The following CCDC88B variants were observed in gnomAD, a reference collection of about 807,000 sequenced individuals.
The protein encoded by CCDC88B is coiled-coil and HOOK domain protein 88B.
CCDC88B carries 138 observed loss-of-function variants against 183.7 expected under a neutral mutation model. The observed-to-expected ratio is 0.75, with a 90% CI of 0.65 to 0.87. The LOEUF is 0.87. Among genes scored for constraint, CCDC88B ranks in the 40% least tolerant of loss-of-function variants. The pLI, the probability that CCDC88B is intolerant of heterozygous loss-of-function variation, is 0.00. For missense variants in CCDC88B, 1,822 were observed against 1,965.6 expected (o/e 0.93, Z 1.38); for synonymous variants, 835 against 867.5 (o/e 0.96, Z 0.66).
Position 64,344,181 on chromosome 11 carries a change from G to T in CCDC88B, c.1640G>T (p.Cys547Phe). 1 of 1,612,458 alleles carries T rather than the reference G, an allele frequency of 6.2e-7. No homozygotes were observed. Among genetic ancestry groups the T allele is most frequent in the Non-Finnish European group, 8.5e-7 (1 of 1,179,444 alleles). The change falls in exon 14 of 27, where the codon TGT (cysteine) becomes TTT (phenylalanine). Residue 547 changes from cysteine (C) to phenylalanine (F), a missense_variant. Coordinates refer to ENST00000356786, the MANE Select transcript of CCDC88B (RefSeq NM_032251.6). This position sits in a 1 kb window ranked among gnomAD's most constrained non-coding sequence, Gnocchi z 4.5. ...TCAGTGCTCGAGGCATCAGCTGAGT[G>T]TCCCCAGGCACCTGATTCAGACCCA... is the stretch of plus-strand genomic sequence containing the variant. ...LDSVLEASAECPQAPDSDPQE... is the reference protein window; with the variant it reads ...LDSVLEASAEFPQAPDSDPQE...
intron 12 of CCDC88B, 32 bp downstream of exon 12, chr11:64,343,647 G>A: frequency 8.4e-6 from 13 of 1,549,030 alleles, no homozygotes; most frequent in Non-Finnish European, 1.0e-5. Context: ...GCTGGGGTGG[G>A]GGCTTCCTAT....
Position 64,357,431 on chromosome 11 carries a change from G to A in CCDC88B, c.*337G>A, listed in dbSNP as rs1806407034. On this transcript the variant is annotated 3_prime_UTR_variant, in exon 27 of 27. Transcript: ENST00000356786. The stretch of plus-strand genomic sequence containing the variant: ...CAAGAGAACCCCCTGCCCTGTCCAG[G>A]TGGGAAGCTGAGTCCCAGTGCTGGG... 2 of 717,200 alleles carry A rather than the reference G, an allele frequency of 2.8e-6. No homozygotes were observed. The highest frequency in any genetic ancestry group is 5.2e-6 in the Non-Finnish European group (2 of 385,050). The allele number at this position is 717,200 out of a possible 1,614,324, so 44.4% of individuals were successfully genotyped here. A position where few individuals can be genotyped will look rare whatever the true frequency, so the allele number is the denominator to read the frequency against.
chr11:64,352,654 G>T, intron 19 of CCDC88B, 90 bp from the exon 20 acceptor site: 1 of 1,564,348 alleles, frequency 6.4e-7, no homozygotes, highest in Non-Finnish European at 8.7e-7. Flanking sequence ...GGAGGTGACA[G>T]ACCCCCCCGC....
At position 64,343,676 on chromosome 11, in the gene CCDC88B, G is replaced by A; in HGVS notation, c.1318+61G>A. On this transcript the variant is annotated intron_variant, in intron 12 of 26. Coordinates refer to ENST00000356786, the MANE Select transcript of CCDC88B (RefSeq NM_032251.6). Reference sequence around the variant, plus strand: ...TTCCTATGCTTTCCAGCAGTGTACTGGGGAGAGCCTCTGACTCCCTCCCTT... The same window carrying A: ...TTCCTATGCTTTCCAGCAGTGTACTAGGGAGAGCCTCTGACTCCCTCCCTT... 4 of 1,539,368 alleles carry A rather than the reference G, an allele frequency of 2.6e-6. No individual in the cohort carries two copies. In the South Asian group the frequency reaches 3.6e-5, roughly 14 times the overall value.
chr11:64,342,629 G>A lies in CCDC88B; in HGVS notation c.1011G>A (p.Arg337=). Residue 337 remains arginine, a synonymous_variant, in exon 10 of 27, where the codon AGG becomes AGA. Transcript: ENST00000356786. Reference sequence around the variant, plus strand: ...TGCCCCGCCTGCAGGAGGAGCTGAGGCGCTGCCGCGAGCGGCTGCAGGCGG... The same window carrying A: ...TGCCCCGCCTGCAGGAGGAGCTGAGACGCTGCCGCGAGCGGCTGCAGGCGG... The part of the protein sequence containing the change: ...GRLPRLQEEL[R]RCRERLQAAE... 1 of 1,526,210 alleles carries A rather than the reference G, an allele frequency of 6.6e-7. No homozygotes were observed. Among genetic ancestry groups the A allele is most frequent in the Non-Finnish European group, 8.7e-7 (1 of 1,143,324 alleles). 94.5% of individuals were successfully genotyped at this position (1,526,210 alleles called of 1,614,324 possible). A position where few individuals can be genotyped will look rare whatever the true frequency, so the allele number is the denominator to read the frequency against.
rs1187847007 is a variant in CCDC88B at position 64,351,237 on chromosome 11, T to C, written c.2940T>C (p.Leu980=). The change falls in exon 17 of 27, where the codon CTT becomes CTC. Residue 980 remains leucine, a synonymous_variant. Transcript: ENST00000356786. ...PQLVETQNVR[L]IEVERSNAML... ...TGGTGGAGACCCAGAATGTGCGGCTTATTGAGGTGGAGCGCAGTGTGAGTG... is the reference window on the plus strand; with the variant it reads ...TGGTGGAGACCCAGAATGTGCGGCTCATTGAGGTGGAGCGCAGTGTGAGTG... The C allele has an allele frequency of 2.0e-6, 3 of 1,530,254 alleles. No homozygotes were observed. The East Asian group carries it at 7.4e-5, about 38-fold the overall frequency. The allele number at this position is 1,530,254 out of a possible 1,614,324, so 94.8% of individuals were successfully genotyped here. A position where few individuals can be genotyped will look rare whatever the true frequency, so the allele number is the denominator to read the frequency against.
rs537311308 is a variant in CCDC88B at position 64,343,864 on chromosome 11, C to G, written c.1405C>G (p.Arg469Gly). The G allele has an allele frequency of 6.2e-7, 1 of 1,604,812 alleles. No individual in the cohort carries two copies. Among genetic ancestry groups the G allele is most frequent in the Non-Finnish European group, 8.5e-7 (1 of 1,176,148 alleles). The part of the protein sequence containing the change: ...GRLRTLEREN[R>G]ELRGLLQVLQ... ...GCTTCGGACCCTTGAGAGGGAGAAC[C>G]GGGAGCTTCGGGGGCTGCTTCAGGT... The change falls in exon 13 of 27, where the codon CGG becomes GGG. Residue 469 changes from arginine to glycine, a missense_variant. By Grantham distance (125) the Arg-to-Gly change is moderately radical. Coordinates refer to ENST00000356786, the MANE Select transcript of CCDC88B (RefSeq NM_032251.6).
intron 21 of CCDC88B, 27 bp downstream of exon 21, chr11:64,353,267 T>A: frequency 6.4e-7 from 1 of 1,566,252 alleles, no homozygotes; most frequent in Non-Finnish European, 8.7e-7. Context: ...GGTGGGGGTA[T>A]GGGCGTGTGG....
At chr11:64,347,046 G>A (rs955318519) in intron 14 of CCDC88B, among the ~76,000 whole-genome samples, 5 of 152,062 alleles carry the variant, frequency 3.3e-5, no homozygotes, top group African/African-American at 1.2e-4. Context: ...TGCCCGCCTC[G>A]GCCTCCCAAA....
Position 64,349,626 on chromosome 11 carries a change from G to A in CCDC88B, c.2820G>A (p.Glu940=). ...CCAGCAAGGAGGAGGCGCTGATGGA[G>A]CTCAAGACCAGGGCCCTGCAGCTGG... ...AATSKEEALM[E]LKTRALQLEE... The change falls in exon 16 of 27, where the codon GAG becomes GAA. Residue 940 remains glutamate, a synonymous_variant. Transcript: ENST00000356786. 1.9e-6 allele frequency: 3 copies of A among 1,600,482 alleles called. No individual in the cohort carries two copies. The highest frequency in any genetic ancestry group is 1.7e-6 in the Non-Finnish European group (2 of 1,174,696).
Position 64,342,591 on chromosome 11 carries a change from C to T in CCDC88B, c.973C>T (p.Arg325Trp), listed in dbSNP as rs556838773. 11 of 1,530,868 alleles carry T rather than the reference C, an allele frequency of 7.2e-6. No homozygotes were observed. In the South Asian group the frequency reaches 1.2e-4, roughly 17 times the overall value. 94.8% of individuals were successfully genotyped at this position (1,530,868 alleles called of 1,614,324 possible). The part of the protein sequence containing the change: ...YREEAEALRE[R>W]AGRLPRLQEE... ...CGAGGAGGCAGAGGCGCTGCGGGAG[C>T]GGGCCGGCCGCCTGCCCCGCCTGCA... is the stretch of plus-strand genomic sequence containing the variant. The change falls in exon 10 of 27, where the codon CGG becomes TGG. Residue 325 changes from arginine (R) to tryptophan (W), a missense_variant. Arg to Trp is a moderately radical substitution (Grantham distance 101, BLOSUM62 -3). Coordinates refer to ENST00000356786, the MANE Select transcript of CCDC88B (RefSeq NM_032251.6).
Position 64,349,391 on chromosome 11 carries a change from C to G in CCDC88B, c.2677C>G (p.Arg893Gly), listed in dbSNP as rs765786378. 6.2e-7 allele frequency: 1 copy of G among 1,613,130 alleles called. No individual in the cohort carries two copies. The highest frequency in any genetic ancestry group is 1.7e-5 in the Admixed American group (1 of 59,964). The change falls in exon 15 of 27, where the codon CGT (arginine) becomes GGT (glycine). Residue 893 changes from arginine to glycine, a missense_variant. By Grantham distance (125) the Arg-to-Gly change is moderately radical (BLOSUM62 -2). Coordinates refer to ENST00000356786, the MANE Select transcript of CCDC88B (RefSeq NM_032251.6). ...GGGGGACCGGCTGGAGCATTTGCAG[C>G]GTGAGCTGGAGCAGGCGGCTCTCGA... ...ELGDRLEHLQ[R>G]ELEQAALERQ... is the part of the protein sequence containing the mutation.
chr11:64,344,167 G>A lies in CCDC88B; in HGVS notation c.1626G>A (p.Glu542=), dbSNP rs1344076805. 6.8e-6 allele frequency: 11 copies of A among 1,612,934 alleles called. No individual in the cohort carries two copies. Among genetic ancestry groups the A allele is most frequent in the Admixed American group, 6.7e-5 (4 of 59,858 alleles). The change falls in exon 14 of 27, where the codon GAG becomes GAA. Residue 542 remains glutamate (E), a synonymous_variant. Transcript: ENST00000356786. The surrounding 1 kb of genome is among the most constrained non-coding windows in gnomAD (Gnocchi z 4.5). The part of the protein sequence containing the change: ...LAPPALDSVL[E]ASAECPQAPD... ...CCCCGGCATTAGACTCAGTGCTCGA[G>A]GCATCAGCTGAGTGTCCCCAGGCAC...
chr11:64,341,251 T>G lies in CCDC88B; in HGVS notation c.389-19T>G. On this transcript the variant is annotated intron_variant, in intron 4 of 26. Coordinates refer to ENST00000356786, the MANE Select transcript of CCDC88B (RefSeq NM_032251.6). The stretch of plus-strand genomic sequence containing the variant: ...ACCTTCCCCGCCCCAGTTAACCCCT[T>G]GTGGCATGTGCCTTGCAGAAGAAGC... 1 of 1,614,078 alleles carries G rather than the reference T, an allele frequency of 6.2e-7. No homozygotes were observed.
chr11:64,356,514 A>C (rs1429576212), intron 26 of CCDC88B: 1 of 153,456 alleles, frequency 6.5e-6, no homozygotes, highest in Admixed American at 6.5e-5. Flanking sequence ...CAGAGGGTGC[A>C]GTGAGCCAAG....
At chr11:64,355,489 CCT>C (rs778968675) in intron 25 of CCDC88B, 69 bp from the exon 26 acceptor site, 26 of 1,594,474 alleles carry the variant, frequency 1.6e-5, no homozygotes, top group South Asian at 2.2e-5. Context: ...CTTCTTGTCC[CCT>C]GTGTCTCCTG....
chr11:64,352,980 G>A (rs1343330940), intron 20 of CCDC88B, 74 bp from the exon 21 acceptor site: 59 of 1,505,472 alleles, frequency 3.9e-5, no homozygotes, highest in Non-Finnish European at 4.9e-5. Context: ...TCCCCTCCCC[G>A]GCATAACTTC....
chr11:64,356,904 G>A, intron 26 of CCDC88B, 135 bp from the exon 27 acceptor site: 3 of 788,932 alleles, frequency 3.8e-6, no homozygotes, highest in Non-Finnish European at 6.3e-6. Flanking sequence ...TGAGGGAACA[G>A]CAGGCGTGGT....
chr11:64,348,449 A>G (rs1022731808), intron 14 of CCDC88B, among the ~76,000 whole-genome samples: 32 of 152,012 alleles, frequency 2.1e-4, no homozygotes, highest in African/African-American at 7.2e-4. Flanking sequence ...GGGAGGTTCT[A>G]TTCACCGTGC....
Sources: gnomAD v4.1 joint callset for allele counts (sites outside exome capture counted in the v4.1 genomes callset) on GRCh38, gnomAD v4.1.1 for gene constraint, Gnocchi (gnomAD v3.1) non-coding constraint, MANE v1.5 for transcripts, NCBI Gene and HGNC (gene_info 2026-07-23, HGNC 2026-07-21) for gene names.